Variants in CDKN2B-AS1 observed in about 807,000 individuals in gnomAD.
CDKN2B-AS1 encodes CDKN2B and CDKN2A antisense cis and trans regulatory RNA 1, also known as CDKN2B antisense RNA 1 (non-protein coding).
intron 1 of CDKN2B-AS1, among the ~76,000 whole-genome samples, chr9:22,014,834 C>G (rs1211379206): frequency 2.1e-5 from 3 of 146,060 alleles, no homozygotes; most frequent in Admixed American, 7.1e-5. Context: ...TGTTCAATTC[C>G]CATCTATGAG....
At position 22,006,300 on chromosome 9, in the gene CDKN2B-AS1, TGCCG is replaced by T. The variant is rs1352825304; in HGVS notation, n.29+11145_29+11148del. The stretch of plus-strand genomic sequence containing the variant: ...CCAGGGTGGGGGCAGGTATGGGAGA[TGCCG>T]GCCGGGGCAAGGCAGGTGGAGCCAT... On this transcript the variant is annotated intron_variant and non_coding_transcript_variant, in intron 1 of 4. Transcript: ENST00000650946. The surrounding 1 kb of genome is among the most constrained non-coding windows in gnomAD (Gnocchi z 6.4). 6.9e-6 allele frequency: 11 copies of T among 1,597,822 alleles called. No individual in the cohort carries two copies. Among genetic ancestry groups the T allele is most frequent in the African/African-American group, 1.3e-5 (1 of 74,880 alleles).
In CDKN2B-AS1 at chr9:22,006,223, C is replaced by G. The variant is rs752675430; in HGVS notation, n.29+11062C>G. The stretch of plus-strand genomic sequence containing the variant: ...CCGTGGAGCAGCAGCAGCTCCGCCA[C>G]GCGGGCGCTGCCCATCATCATGACC... On this transcript the variant is annotated intron_variant and non_coding_transcript_variant, in intron 1 of 4. Coordinates refer to ENST00000650946, the Ensembl canonical transcript of CDKN2B-AS1. This position sits in a 1 kb window ranked among gnomAD's most constrained non-coding sequence, Gnocchi z 6.4. 2 of 1,606,946 alleles carry G rather than the reference C, an allele frequency of 1.2e-6. No individual in the cohort carries two copies. The highest frequency in any genetic ancestry group is 4.5e-5 in the East Asian group (2 of 44,872).
At chr9:22,088,614 C>G (rs1343858789) in intron 4 of CDKN2B-AS1, among the ~76,000 whole-genome samples, 1 of 152,174 alleles carries the variant, frequency 6.6e-6, no homozygotes, top group East Asian at 1.9e-4. Context: ...TTGAATATTT[C>G]TATCAATTAG....
intron 1 of CDKN2B-AS1, among the ~76,000 whole-genome samples, chr9:22,019,164 A>G (rs940797299): frequency 2.0e-5 from 3 of 152,232 alleles, no homozygotes; most frequent in African/African-American, 7.2e-5. Context: ...GCATGGAAAA[A>G]TGTTGTAGAG....
intron 1 of CDKN2B-AS1, chr9:22,046,402 G>A (rs1157661498): frequency 6.6e-6 from 1 of 152,130 alleles, no homozygotes; most frequent in Non-Finnish European, 1.5e-5. Flanking sequence ...TTGAGCTCAT[G>A]TACTTAACCA....
chr9:22,066,001 C>T (rs1824020607), intron 4 of CDKN2B-AS1, among the ~76,000 whole-genome samples: 1 of 152,134 alleles, frequency 6.6e-6, no homozygotes. Flanking sequence ...TTTGAAATAG[C>T]ATTGATTTTG....
At chr9:22,107,784 G>C (rs1337735632) in intron 4 of CDKN2B-AS1, among the ~76,000 whole-genome samples, 1 of 152,218 alleles carries the variant, frequency 6.6e-6, no homozygotes, top group Non-Finnish European at 1.5e-5. Flanking sequence ...CAGCCAGGGG[G>C]AATCTCCATA....
chr9:22,069,612 C>T (rs937834174), intron 4 of CDKN2B-AS1, among the ~76,000 whole-genome samples: 2 of 152,096 alleles, frequency 1.3e-5, no homozygotes, highest in East Asian at 3.8e-4. Flanking sequence ...ATAATCCAAT[C>T]AAGGTATATT....
rs950156528 is a variant in CDKN2B-AS1 at position 22,034,997 on chromosome 9, A to G, written n.30-11754A>G. ...TTTAGATTTGATGTAGTTTTCTCAT[A>G]TGTAAAATGGGGATAATAAAACCTG... On this transcript the variant is annotated intron_variant and non_coding_transcript_variant, in intron 1 of 4. Transcript: ENST00000650946. Among the ~76,000 whole-genome samples, 8 of 152,164 alleles carry G rather than the reference A, an allele frequency of 5.3e-5. No homozygotes were observed. In the East Asian group the frequency reaches 1.5e-3, roughly 29 times the overall value.
intron 4 of CDKN2B-AS1, among the ~76,000 whole-genome samples, chr9:22,087,019 C>T (rs900159044): frequency 6.6e-6 from 1 of 152,230 alleles, no homozygotes; most frequent in African/African-American, 2.4e-5. Context: ...GCCAAGAGAA[C>T]CCCATTATTG....
At chr9:22,048,386 T>G (rs1823197982) in intron 2 of CDKN2B-AS1, among the ~76,000 whole-genome samples, 2 of 152,044 alleles carry the variant, frequency 1.3e-5, no homozygotes, top group South Asian at 4.1e-4. Flanking sequence ...TCAACAAAAC[T>G]TTTTGCTCTT....
At chr9:22,112,986 G>A (rs1825840256) in intron 4 of CDKN2B-AS1, among the ~76,000 whole-genome samples, 2 of 152,174 alleles carry the variant, frequency 1.3e-5, no homozygotes, top group Non-Finnish European at 2.9e-5. Context: ...TAAGAGGAGG[G>A]GTGATGTGAT....
intron 1 of CDKN2B-AS1, among the ~76,000 whole-genome samples, chr9:22,044,990 T>A (rs553661381): frequency 6.6e-6 from 1 of 151,726 alleles, no homozygotes; most frequent in Admixed American, 6.6e-5. Flanking sequence ...ATTTTGTAAC[T>A]TTTTTCTTTG....
chr9:22,012,342 A>G, intron 1 of CDKN2B-AS1: 1 of 1,308,940 alleles, frequency 7.6e-7, no homozygotes, highest in Non-Finnish European at 1.1e-6. Flanking sequence ...AACGTCCAGA[A>G]ACAGCCCACC....
At chr9:22,123,901 C>G (rs776035053) in intron 4 of CDKN2B-AS1, among the ~76,000 whole-genome samples, 8 of 152,142 alleles carry the variant, frequency 5.3e-5, no homozygotes, top group Non-Finnish European at 1.0e-4. Context: ...AGCTCTTGTT[C>G]TCTATAGATA....
chr9:22,123,766 C>T (rs952514972), intron 4 of CDKN2B-AS1, among the ~76,000 whole-genome samples: 1 of 152,032 alleles, frequency 6.6e-6, no homozygotes, highest in Non-Finnish European at 1.5e-5. Flanking sequence ...TTCCAGGGGA[C>T]AGAAATAGGA....
At chr9:22,084,450 A>T (rs1380552381) in intron 4 of CDKN2B-AS1, among the ~76,000 whole-genome samples, 1 of 152,180 alleles carries the variant, frequency 6.6e-6, no homozygotes, top group Non-Finnish European at 1.5e-5. Flanking sequence ...TATTTAATAG[A>T]AGAGTTTGTG....
At chr9:22,057,701 A>T (rs1264944236) in intron 4 of CDKN2B-AS1, among the ~76,000 whole-genome samples, 1 of 146,556 alleles carries the variant, frequency 6.8e-6, no homozygotes, top group Non-Finnish European at 1.5e-5. Context: ...TCAGCTACTC[A>T]GGAGGCAGAG....
chr9:22,015,133 G>T (rs555340962), intron 1 of CDKN2B-AS1, among the ~76,000 whole-genome samples: 2 of 152,148 alleles, frequency 1.3e-5, no homozygotes, highest in South Asian at 4.1e-4. Context: ...CCAGTAATGG[G>T]ATGGCTGGGT....
Sources: gnomAD v4.1 joint callset for allele counts (sites outside exome capture counted in the v4.1 genomes callset) on GRCh38, gnomAD v4.1.1 for gene constraint, Gnocchi (gnomAD v3.1) non-coding constraint, MANE v1.5 for transcripts, NCBI Gene and HGNC (gene_info 2026-07-23, HGNC 2026-07-21) for gene names.